The following CNTNAP3 variants were observed in gnomAD, a reference collection of about 807,000 sequenced individuals.
The protein encoded by CNTNAP3 is contactin-associated protein-like 3.
Under a neutral mutation model 92.1 loss-of-function variants are expected in CNTNAP3, and 36 were observed. The ratio of observed to expected loss-of-function variants is 0.39; its 90% confidence interval spans 0.30 to 0.52. The LOEUF (loss-of-function observed/expected upper bound fraction) is 0.52. Ranked by LOEUF, CNTNAP3 falls within the 20% of genes least tolerant of loss-of-function variation. CNTNAP3 has a pLI of 0.76. For missense variants in CNTNAP3, 534 were observed against 1,069.6 expected (o/e 0.50, Z 6.98); for synonymous variants, 232 against 422.3 (o/e 0.55, Z 5.53).
chr9:39,105,814 C>T (rs1054356995), intron 15 of CNTNAP3, among the ~76,000 whole-genome samples: 1 of 150,932 alleles, frequency 6.6e-6, no homozygotes, highest in African/African-American at 2.4e-5. Context: ...TTGCTTCTAG[C>T]CCTCTCAGTA....
chr9:39,105,616 C>T lies in CNTNAP3; in HGVS notation c.2366-1702G>A, dbSNP rs1054388121. On this transcript the variant is annotated intron_variant, in intron 15 of 23. Coordinates refer to ENST00000297668, the MANE Select transcript of CNTNAP3 (RefSeq NM_033655.5). ...ATGTGGCAGCTCCTTTAAGCTGACA[C>T]CCATGCCTTTTTCAGCTTTTTCTTT... Among the ~76,000 whole-genome samples, 77 of 152,098 alleles carry T rather than the reference C, an allele frequency of 5.1e-4. 1 individual carries two copies. The highest frequency in any genetic ancestry group is 1.8e-3 in the African/African-American group (75 of 41,468).
chr9:39,125,659 C>T (rs1195935014), intron 13 of CNTNAP3, among the ~76,000 whole-genome samples: 2 of 151,884 alleles, frequency 1.3e-5, no homozygotes, highest in African/African-American at 4.8e-5. Flanking sequence ...TAACACTAAC[C>T]AAAAAGAAAG....
At chr9:39,135,915 G>T (rs912185980) in intron 12 of CNTNAP3, among the ~76,000 whole-genome samples, 4 of 151,556 alleles carry the variant, frequency 2.6e-5, no homozygotes, top group African/African-American at 9.7e-5. Context: ...AGATTACGAG[G>T]TCAGGAGATC....
At chr9:39,085,642 T>C (rs1826047304) in intron 21 of CNTNAP3, 94 bp downstream of exon 21, 3 of 970,428 alleles carry the variant, frequency 3.1e-6, no homozygotes, top group Non-Finnish European at 4.7e-6. Context: ...AAATTATTAT[T>C]CAAGTAAGAC....
chr9:39,143,729 A>G (rs1247488423), intron 11 of CNTNAP3, among the ~76,000 whole-genome samples: 1 of 152,186 alleles, frequency 6.6e-6, no homozygotes, highest in Non-Finnish European at 1.5e-5. Flanking sequence ...AAGGTCCTCT[A>G]GTTTCTAGCT....
In CNTNAP3 at chr9:39,109,166, C is replaced by T. The variant is rs1563880650; in HGVS notation, c.2359G>A (p.Gly787Arg). ...TTTTCTTGACACTACTTACGATCTCCGCGGCAGAGCAGTGGCCCCAGTGTA... is the reference window on the plus strand; with the variant it reads ...TTTTCTTGACACTACTTACGATCTCTGCGGCAGAGCAGTGGCCCCAGTGTA... ...AYTLGPLLCR[G>R]DQSFWNSASF... Residue 787 changes from glycine (G) to arginine (R), a missense_variant, in exon 15 of 24, where the codon GGA (glycine) becomes AGA (arginine). Coordinates refer to ENST00000297668, the MANE Select transcript of CNTNAP3 (RefSeq NM_033655.5). The T allele has an allele frequency of 4.3e-6, 7 of 1,612,328 alleles. No homozygotes were observed. Among genetic ancestry groups the T allele is most frequent in the East Asian group, 2.2e-5 (1 of 44,870 alleles).
Position 39,226,883 on chromosome 9 carries a change from A to G in CNTNAP3, c.390+12110T>C, listed in dbSNP as rs1206075545. Among the ~76,000 whole-genome samples the G allele has an allele frequency of 4.5e-4, 4 of 8,844 alleles. 2 individuals are homozygous for G. The highest frequency in any genetic ancestry group is 5.6e-4 in the African/African-American group (4 of 7,130). The allele number at this position is 8,844 out of a possible 152,430, so 5.8% of individuals were successfully genotyped here. ...CTGCGTCCATGGTGCTACAAAGGAC[A>G]TGATTTCATTACTTTTTATGGCTGC... On this transcript the variant is annotated intron_variant, in intron 3 of 23. Coordinates refer to ENST00000297668, the MANE Select transcript of CNTNAP3 (RefSeq NM_033655.5).
At chr9:39,161,843 C>CA (rs540267825) in intron 9 of CNTNAP3, among the ~76,000 whole-genome samples, 665 of 38,296 alleles carry the variant, frequency 0.017, 8 homozygotes, top group African/African-American at 0.054. Context: ...TCTAAAGTCT[C>CA]AAAAAAAAAA....
At chr9:39,074,805 G>A (rs1587691567) in intron 23 of CNTNAP3, among the ~76,000 whole-genome samples, 1 of 152,142 alleles carries the variant, frequency 6.6e-6, no homozygotes, top group African/African-American at 2.4e-5. Context: ...GTCTTGCTCT[G>A]TCGCCCAGTC....
At chr9:39,179,285 CTACACA>C (rs1178074511) in intron 4 of CNTNAP3, among the ~76,000 whole-genome samples, 4 of 31,950 alleles carry the variant, frequency 1.3e-4, no homozygotes, top group African/African-American at 5.4e-4. Flanking sequence ...CTCTCTCTCT[CTACACA>C]CACACACACA....
intron 21 of CNTNAP3, among the ~76,000 whole-genome samples, chr9:39,081,903 C>A (rs1825947788): frequency 7.2e-6 from 1 of 139,632 alleles, no homozygotes; most frequent in African/African-American, 2.7e-5. Context: ...ACGGTGAAAC[C>A]CCATCTCTAC....
intron 9 of CNTNAP3, chr9:39,159,302 T>C (rs1822024503): frequency 6.8e-6 from 1 of 147,010 alleles, no homozygotes; most frequent in Non-Finnish European, 1.5e-5. Flanking sequence ...ACAGAAACTG[T>C]GTTGGCTATT....
In CNTNAP3 at chr9:39,069,712, C is replaced by G. The variant is rs1217612525; in HGVS notation, c.*4178G>C. On this transcript the variant is annotated 3_prime_UTR_variant, in exon 24 of 24. Coordinates refer to ENST00000297668, the MANE Select transcript of CNTNAP3 (RefSeq NM_033655.5). ...AGTAATGGCAACTTTATGTAACCTT[C>G]TTAAGGTTACATTTGCACTTAAGTA... 1.3e-5 allele frequency among the ~76,000 whole-genome samples: 2 copies of G among 152,308 alleles called. No individual in the cohort carries two copies. Among genetic ancestry groups the G allele is most frequent in the Non-Finnish European group, 2.9e-5 (2 of 68,056 alleles).
intron 4 of CNTNAP3, among the ~76,000 whole-genome samples, chr9:39,180,753 C>T (rs889188534): frequency 1.3e-5 from 2 of 150,468 alleles, no homozygotes; most frequent in Non-Finnish European, 3.0e-5. Context: ...ACGAGCCCAC[C>T]AAGATCAGCA....
intron 18 of CNTNAP3, among the ~76,000 whole-genome samples, chr9:39,096,714 T>C (rs11791004): frequency 1.3e-5 from 2 of 151,238 alleles, no homozygotes; most frequent in Non-Finnish European, 3.0e-5. Context: ...GTTATCTCAC[T>C]GTCCTGTGGC....
chr9:39,138,391 G>C (rs1821493386), intron 12 of CNTNAP3, among the ~76,000 whole-genome samples: 1 of 148,838 alleles, frequency 6.7e-6, no homozygotes, highest in South Asian at 2.2e-4. Context: ...CCCTTACTTG[G>C]GGACAGGATG....
chr9:39,151,382 G>A (rs144926010), intron 9 of CNTNAP3, among the ~76,000 whole-genome samples: 1,502 of 144,824 alleles, frequency 0.01, 95 homozygotes, highest in Non-Finnish European at 0.017. Context: ...GTGAAACCCC[G>A]TCTCTACTAA....
At chr9:39,174,648 C>A in intron 7 of CNTNAP3, 1 of 692,442 alleles carries the variant, frequency 1.4e-6, no homozygotes, top group South Asian at 1.5e-5. Context: ...TTCCCTTTAA[C>A]CCCAACTTGG....
chr9:39,120,695 C>A (rs1425292827), intron 13 of CNTNAP3, among the ~76,000 whole-genome samples: 1 of 152,006 alleles, frequency 6.6e-6, no homozygotes, highest in Non-Finnish European at 1.5e-5. Flanking sequence ...AACAAAAAAC[C>A]TTTTTAACAC....
Sources: allele counts gnomAD v4.1 joint callset (sites outside exome capture counted in the v4.1 genomes callset), GRCh38; gene constraint gnomAD v4.1.1; transcripts MANE v1.5; gene names NCBI Gene and HGNC (gene_info 2026-07-23, HGNC 2026-07-21).